The following TMX3 variants were observed in gnomAD, a reference collection of about 807,000 sequenced individuals.
The protein encoded by TMX3 is thioredoxin related transmembrane protein 3, also known as protein disulfide-isomerase TMX3.
In TMX3, 40 loss-of-function variants were observed where a neutral mutation model predicts 64.4. That is an observed-to-expected ratio of 0.62 (90% confidence interval 0.48 to 0.81). The LOEUF (loss-of-function observed/expected upper bound fraction) is 0.81, where lower values mean the gene tolerates loss of function less well. TMX3 is among the 30% of genes least tolerant of loss of function. The pLI, the probability that TMX3 is intolerant of heterozygous loss-of-function variation, is 0.00. For missense variants in TMX3, 497 were observed against 534.5 expected (o/e 0.93, Z 0.69); for synonymous variants, 189 against 175.7 (o/e 1.08, Z -0.60).
At chr18:68,710,478 A>G (rs1466854374) in intron 3 of TMX3, among the ~76,000 whole-genome samples, 2 of 152,204 alleles carry the variant, frequency 1.3e-5, no homozygotes, top group East Asian at 1.9e-4. Flanking sequence ...TCCACAAAAT[A>G]AACATATATA....
chr18:68,709,483 G>A (rs1327292910), intron 4 of TMX3, among the ~76,000 whole-genome samples: 1 of 152,060 alleles, frequency 6.6e-6, no homozygotes, highest in Non-Finnish European at 1.5e-5. Flanking sequence ...TTATAAAAAT[G>A]GGTAGTAGGA....
chr18:68,681,600 G>T, intron 13 of TMX3: 1 of 985,370 alleles, frequency 1.0e-6, no homozygotes, highest in Non-Finnish European at 1.2e-6. Context: ...TCAAGATTTA[G>T]CTGAAGATGA....
chr18:68,684,333 G>T, intron 11 of TMX3, 90 bp from the exon 12 acceptor site: 1 of 1,485,998 alleles, frequency 6.7e-7, no homozygotes, highest in Non-Finnish European at 9.3e-7. Context: ...ACATCTAATT[G>T]CTGCAGGAAA....
In TMX3 at chr18:68,675,956, C is replaced by T. The variant is rs1171573678; in HGVS notation, c.*977G>A. On this transcript the variant is annotated 3_prime_UTR_variant, in exon 16 of 16. Transcript: ENST00000299608. ...AGACACGGACAGGTCTACAGCATTA[C>T]ATAATAGATGTGTCAATAAACTGTG... 1 of 152,036 alleles carries T rather than the reference C, an allele frequency of 6.6e-6. No homozygotes were observed. Among genetic ancestry groups the T allele is most frequent in the African/African-American group, 2.4e-5 (1 of 41,382 alleles). The allele number at this position is 152,036 out of a possible 1,614,324, so 9.4% of individuals were successfully genotyped here. A position where few individuals can be genotyped will look rare whatever the true frequency, so the allele number is the denominator to read the frequency against.
chr18:68,686,339 G>A (rs1913952554), intron 10 of TMX3, among the ~76,000 whole-genome samples: 1 of 152,186 alleles, frequency 6.6e-6, no homozygotes, highest in Non-Finnish European at 1.5e-5. Context: ...TCAAGGTCAT[G>A]CTATTTCCTA....
chr18:68,682,857 C>T, intron 13 of TMX3, 68 bp downstream of exon 13: 15 of 1,403,246 alleles, frequency 1.1e-5, no homozygotes, highest in Non-Finnish European at 1.5e-5. Context: ...AATCCTTCTA[C>T]CTGTATCTCA....
rs914223116 is a variant in TMX3 at position 68,675,740 on chromosome 18, T to C, written c.*1193A>G. On this transcript the variant is annotated 3_prime_UTR_variant, in exon 16 of 16. Transcript: ENST00000299608. ...CAATAAACATACCAAACTGTTACTT[T>C]AAAAAAAAGAGTTTTTAGACATTGC... The C allele has an allele frequency of 6.6e-6, 1 of 152,004 alleles. No homozygotes were observed. The highest frequency in any genetic ancestry group is 2.4e-5 in the African/African-American group (1 of 41,396). 9.4% of individuals were successfully genotyped at this position (152,004 alleles called of 1,614,324 possible).
intron 4 of TMX3, among the ~76,000 whole-genome samples, chr18:68,707,197 T>C (rs560626746): frequency 4.7e-4 from 71 of 151,880 alleles, no homozygotes; most frequent in African/African-American, 1.7e-3. Context: ...AAAGGGACTT[T>C]TTTTTTTTTT....
At chr18:68,677,218 G>A (rs1330611829) in intron 15 of TMX3, 25 bp from the exon 16 acceptor site, 1 of 1,601,052 alleles carries the variant, frequency 6.2e-7, no homozygotes, top group East Asian at 2.2e-5. Flanking sequence ...TTAAAACTCA[G>A]TTCCCTTCAC....
chr18:68,679,421 A>C, intron 15 of TMX3, 42 bp downstream of exon 15: 1 of 1,512,904 alleles, frequency 6.6e-7, no homozygotes, highest in South Asian at 1.2e-5. Flanking sequence ...TAAAGAACCT[A>C]TATCTTCTTC....
At chr18:68,680,708 C>CT (rs1439229841) in intron 14 of TMX3, among the ~76,000 whole-genome samples, 5 of 152,232 alleles carry the variant, frequency 3.3e-5, no homozygotes, top group Middle Eastern at 3.4e-3. Flanking sequence ...CCAACAGCCC[C>CT]TCCCCATCAC....
rs930474598 is a variant in TMX3, at chr18:68,684,578, T to C, written c.737-93A>G. 3.9e-6 allele frequency: 4 copies of C among 1,031,156 alleles called. No homozygotes were observed. In the African/African-American group the frequency reaches 6.4e-5, roughly 16 times the overall value. The allele number at this position is 1,031,156 out of a possible 1,614,324, so 63.9% of individuals were successfully genotyped here. A position where few individuals can be genotyped will look rare whatever the true frequency, so the allele number is the denominator to read the frequency against. On this transcript the variant is annotated intron_variant, in intron 10 of 15. Transcript: ENST00000299608. ...AGTTCTGAGTAGGAAATTAGTAAAGTATTTCTAGAATTTAATTCCAATCAC... is the reference window on the plus strand; with the variant it reads ...AGTTCTGAGTAGGAAATTAGTAAAGCATTTCTAGAATTTAATTCCAATCAC...
At chr18:68,713,003 T>TAAA (rs34191235) in intron 2 of TMX3, among the ~76,000 whole-genome samples, 4 of 122,290 alleles carry the variant, frequency 3.3e-5, no homozygotes, top group Non-Finnish European at 5.3e-5. Context: ...TCAAGAGGTT[T>TAAA]AAAAAAAAAA....
intron 10 of TMX3, among the ~76,000 whole-genome samples, chr18:68,686,376 A>G (rs1254494318): frequency 6.6e-6 from 1 of 152,170 alleles, no homozygotes. Context: ...CAAGACTACT[A>G]TATTCCTACA....
intron 6 of TMX3, 128 bp from the exon 7 acceptor site, chr18:68,698,159 T>C (rs1361159634): frequency 1.6e-6 from 1 of 636,038 alleles, no homozygotes; most frequent in Non-Finnish European, 2.7e-6. Flanking sequence ...ATTTTAAGTA[T>C]ATCACAAAAT....
intron 15 of TMX3, among the ~76,000 whole-genome samples, chr18:68,677,502 T>G (rs775044793): frequency 6.6e-6 from 1 of 152,150 alleles, no homozygotes; most frequent in Non-Finnish European, 1.5e-5. Flanking sequence ...CTCTTTAAGG[T>G]GCTTACTATG....
chr18:68,693,406 C>T (rs952236116), intron 8 of TMX3, among the ~76,000 whole-genome samples: 1 of 152,112 alleles, frequency 6.6e-6, no homozygotes, highest in East Asian at 1.9e-4. Flanking sequence ...TCCCTGAGCT[C>T]TCCGGGGCCT....
Position 68,681,029 on chromosome 18 carries a change from A to G in TMX3, c.987T>C (p.Val329=). Residue 329 remains valine (V), a synonymous_variant, in exon 14 of 16, where the codon GTT becomes GTC. Transcript: ENST00000299608. ...YFLLDRQIKN[V]EDMVQFINNI... ...TATTAATAAACTGGACCATGTCTTCAACATTCTTAATCTGTCTATCTAGCA... is the reference window on the plus strand; with the variant it reads ...TATTAATAAACTGGACCATGTCTTCGACATTCTTAATCTGTCTATCTAGCA... 6.2e-7 allele frequency: 1 copy of G among 1,601,688 alleles called. No individual in the cohort carries two copies. The highest frequency in any genetic ancestry group is 8.5e-7 in the Non-Finnish European group (1 of 1,174,630).
chr18:68,693,756 A>T (rs1914775538), intron 8 of TMX3, among the ~76,000 whole-genome samples: 1 of 151,892 alleles, frequency 6.6e-6, no homozygotes, highest in Non-Finnish European at 1.5e-5. Context: ...TCCCCAGTAA[A>T]ACCCCAACTT....
Sources: gnomAD v4.1 joint callset for allele counts (sites outside exome capture counted in the v4.1 genomes callset) on GRCh38, gnomAD v4.1.1 for gene constraint, MANE v1.5 for transcripts, NCBI Gene and HGNC (gene_info 2026-07-23, HGNC 2026-07-21) for gene names.